Variants in MARCHF4 observed in about 807,000 individuals in gnomAD.
MARCHF4 encodes the protein E3 ubiquitin-protein ligase MARCHF4.
MARCHF4 carries 14 observed loss-of-function variants against 43.9 expected under a neutral mutation model. That is an observed-to-expected ratio of 0.32 (90% CI 0.21 to 0.50). MARCHF4 has a LOEUF of 0.50. MARCHF4 is among the 20% of genes least tolerant of loss of function. The probability of loss-of-function intolerance (pLI) is 0.98; values close to 1 mark genes in which losing one functional copy is unlikely to be tolerated. For synonymous variants in MARCHF4, 226 were observed against 213.3 expected (o/e 1.06, Z -0.52); for missense variants, 468 against 536.7 (o/e 0.87, Z 1.27).
intron 1 of MARCHF4, among the ~76,000 whole-genome samples, chr2:216,357,725 A>C (rs1692522682): frequency 6.6e-6 from 1 of 152,266 alleles, no homozygotes; most frequent in South Asian, 2.1e-4. Flanking sequence ...AAGTATCACA[A>C]ACCCTCAAAT....
chr2:216,318,260 G>C (rs1281981903), intron 1 of MARCHF4: 2 of 152,308 alleles, frequency 1.3e-5, no homozygotes, highest in Non-Finnish European at 2.9e-5. Flanking sequence ...AAAATGTAAG[G>C]GAAAGGGAGC....
chr2:216,350,095 T>C (rs944450814), intron 1 of MARCHF4, among the ~76,000 whole-genome samples: 3 of 152,100 alleles, frequency 2.0e-5, no homozygotes, highest in African/African-American at 7.2e-5. Flanking sequence ...GACCTCACTA[T>C]GCCACAACAC....
chr2:216,307,003 C>T (rs1281593880), intron 1 of MARCHF4, among the ~76,000 whole-genome samples: 1 of 152,160 alleles, frequency 6.6e-6, no homozygotes, highest in African/African-American at 2.4e-5. Context: ...TACACACACA[C>T]ATCCCCTTTG....
At chr2:216,335,292 C>T (rs111693384) in intron 1 of MARCHF4, among the ~76,000 whole-genome samples, 3,425 of 152,148 alleles carry the variant, frequency 0.023, 138 homozygotes, top group African/African-American at 0.079. Flanking sequence ...AACTGATATG[C>T]CATTGAGAAA....
chr2:216,261,783 G>T (rs987895346), intron 3 of MARCHF4, among the ~76,000 whole-genome samples: 2 of 152,168 alleles, frequency 1.3e-5, no homozygotes, highest in African/African-American at 4.8e-5. Context: ...AAGAGAAGAA[G>T]GCCAAAGACA....
chr2:216,294,580 C>T (rs1691360900), intron 1 of MARCHF4, among the ~76,000 whole-genome samples: 1 of 152,182 alleles, frequency 6.6e-6, no homozygotes, highest in South Asian at 2.1e-4. Flanking sequence ...CAGCCATGGG[C>T]TTAAGCAATC....
intron 1 of MARCHF4, among the ~76,000 whole-genome samples, chr2:216,356,702 T>G (rs965814490): frequency 6.6e-6 from 1 of 152,222 alleles, no homozygotes; most frequent in Middle Eastern, 3.2e-3. Context: ...CTTTTCATTT[T>G]GAAATAACAT....
rs1216055656 is a variant in MARCHF4 at position 216,275,687 on chromosome 2, C to T, written c.865+1985G>A. ...CTGTAGAGCCATTGGTGGTAGCAGG[C>T]ATTTATGCTCCTCTCTTTTGTCCGT... On this transcript the variant is annotated intron_variant, in intron 3 of 3. Coordinates refer to ENST00000273067, the MANE Select transcript of MARCHF4 (RefSeq NM_020814.3). 2.6e-5 allele frequency among the ~76,000 whole-genome samples: 4 copies of T among 152,324 alleles called. No individual in the cohort carries two copies. The East Asian group carries it at 5.8e-4, about 22-fold the overall frequency.
intron 1 of MARCHF4, among the ~76,000 whole-genome samples, chr2:216,289,963 A>T (rs1691283035): frequency 6.6e-6 from 1 of 152,226 alleles, no homozygotes; most frequent in African/African-American, 2.4e-5. Context: ...AAGTTGCTTA[A>T]CGTCTCTGGG....
At position 216,356,329 on chromosome 2, in the gene MARCHF4, T is replaced by C. The variant is rs575494377; in HGVS notation, c.516+13416A>G. On this transcript the variant is annotated intron_variant, in intron 1 of 3. Coordinates refer to ENST00000273067, the MANE Select transcript of MARCHF4 (RefSeq NM_020814.3). ...TCAAAGCATGCAGTATACTTATACC[T>C]GAGGAACTGCGCGAAGCATGTTTAT... Among the ~76,000 whole-genome samples the C allele has an allele frequency of 7.2e-5, 11 of 152,314 alleles. No individual in the cohort carries two copies. The South Asian group carries it at 1.7e-3, about 23-fold the overall frequency.
At chr2:216,263,493 AAGAGAG>A (rs150783185) in intron 3 of MARCHF4, among the ~76,000 whole-genome samples, 6 of 58,984 alleles carry the variant, frequency 1.0e-4, no homozygotes, top group African/African-American at 2.3e-4. Context: ...AGGAGAGAGA[AAGAGAG>A]AGAGAGAGAG....
At chr2:216,282,061 C>T (rs1329322635) in intron 2 of MARCHF4, among the ~76,000 whole-genome samples, 1 of 152,128 alleles carries the variant, frequency 6.6e-6, no homozygotes, top group Non-Finnish European at 1.5e-5. Context: ...AGGGTTAATG[C>T]ATTCAGACCC....
intron 1 of MARCHF4, among the ~76,000 whole-genome samples, chr2:216,346,222 G>A (rs1692317555): frequency 6.6e-6 from 1 of 152,080 alleles, no homozygotes; most frequent in African/African-American, 2.4e-5. Context: ...TCTATGTCAA[G>A]CAACATTTTG....
chr2:216,294,304 C>A (rs1167870749), intron 1 of MARCHF4, among the ~76,000 whole-genome samples: 3 of 152,260 alleles, frequency 2.0e-5, no homozygotes, highest in Non-Finnish European at 1.5e-5. Flanking sequence ...CTGTGCAAAA[C>A]CCTCATGGTG....
chr2:216,282,893 CT>C (rs1406301945), intron 2 of MARCHF4, among the ~76,000 whole-genome samples: 1 of 152,210 alleles, frequency 6.6e-6, no homozygotes, highest in African/African-American at 2.4e-5. Flanking sequence ...CCTCCCTCTC[CT>C]GTTTCTTCTG....
At chr2:216,329,628 A>AT (rs1195574744) in intron 1 of MARCHF4, among the ~76,000 whole-genome samples, 1 of 125,688 alleles carries the variant, frequency 8.0e-6, no homozygotes, top group African/African-American at 3.2e-5. Context: ...GGTAGGACAA[A>AT]TAAAAAATCA....
At chr2:216,287,562 A>G (rs1353624040) in intron 1 of MARCHF4, among the ~76,000 whole-genome samples, 2 of 147,452 alleles carry the variant, frequency 1.4e-5, no homozygotes, top group East Asian at 4.1e-4. Flanking sequence ...GTGGTGAAGA[A>G]CATGGTTTCA....
Position 216,278,478 on chromosome 2 carries a change from G to A in MARCHF4, c.673-614C>T, listed in dbSNP as rs550260240. 3.9e-5 allele frequency among the ~76,000 whole-genome samples: 6 copies of A among 152,264 alleles called. No homozygotes were observed. In the East Asian group the frequency reaches 9.6e-4, roughly 24 times the overall value. The stretch of plus-strand genomic sequence containing the variant: ...CTGACCTCGTGATCCGCCCACCTCG[G>A]CCTCCCAAAGTGCTGGGATTACAGG... On this transcript the variant is annotated intron_variant, in intron 2 of 3. Coordinates refer to ENST00000273067, the MANE Select transcript of MARCHF4 (RefSeq NM_020814.3).
intron 3 of MARCHF4, chr2:216,259,916 T>C (rs1414009448): frequency 1.7e-5 from 9 of 531,434 alleles, no homozygotes; most frequent in South Asian, 1.4e-4. Context: ...TTCGCCCACT[T>C]CTACACCACC....
Sources: allele counts gnomAD v4.1 joint callset (sites outside exome capture counted in the v4.1 genomes callset), GRCh38; gene constraint gnomAD v4.1.1; transcripts MANE v1.5; gene names NCBI Gene and HGNC (gene_info 2026-07-23, HGNC 2026-07-21).